N4BP1: variants seen among roughly 807,000 people sequenced by gnomAD.
The protein encoded by N4BP1 is NEDD4-binding protein 1.
In N4BP1, 21 loss-of-function variants were observed where a neutral mutation model predicts 70.9. The ratio of observed to expected loss-of-function variants is 0.30; its 90% confidence interval spans 0.21 to 0.43. N4BP1 has a LOEUF of 0.43. Ranked by LOEUF, N4BP1 falls within the 20% of genes least tolerant of loss-of-function variation. The pLI, the probability that N4BP1 is intolerant of heterozygous loss-of-function variation, is 1.00. For synonymous variants in N4BP1, 387 were observed against 394.6 expected, an observed-to-expected ratio of 0.98 and a Z score of 0.23; for missense variants, 936 against 1,069.4, an observed-to-expected ratio of 0.88 and a Z score of 1.74.
intron 1 of N4BP1, among the ~76,000 whole-genome samples, chr16:48,581,942 C>T (rs571635266): frequency 6.6e-6 from 1 of 151,760 alleles, no homozygotes; most frequent in South Asian, 2.1e-4. Context: ...GCTACAAAAA[C>T]AAAAATAGAC....
chr16:48,598,842 T>C (rs1026547811), intron 1 of N4BP1, among the ~76,000 whole-genome samples: 3 of 152,032 alleles, frequency 2.0e-5, no homozygotes, highest in Admixed American at 6.6e-5. Flanking sequence ...CTATGATCCA[T>C]TGGCAAAGAA....
chr16:48,586,573 A>C (rs1457749405), intron 1 of N4BP1, among the ~76,000 whole-genome samples: 1 of 152,338 alleles, frequency 6.6e-6, no homozygotes, highest in East Asian at 1.9e-4. Context: ...AATGCAGCAT[A>C]ATAGTTTTGA....
At chr16:48,572,828 C>T (rs557586645) in intron 1 of N4BP1, among the ~76,000 whole-genome samples, 16 of 152,020 alleles carry the variant, frequency 1.1e-4, no homozygotes, top group Non-Finnish European at 2.1e-4. Context: ...GAAAACAGGG[C>T]AGATACAAAT....
chr16:48,563,141 T>TA (rs1021007309), intron 1 of N4BP1, among the ~76,000 whole-genome samples: 12 of 149,004 alleles, frequency 8.1e-5, no homozygotes, highest in East Asian at 3.9e-4. Flanking sequence ...ATAAAAAATT[T>TA]AAAAAAAAAA....
At chr16:48,593,290 T>G (rs900284050) in intron 1 of N4BP1, among the ~76,000 whole-genome samples, 2 of 152,230 alleles carry the variant, frequency 1.3e-5, no homozygotes, top group African/African-American at 2.4e-5. Context: ...TAAAAGTTGC[T>G]AAGAGTTAAC....
In N4BP1 at chr16:48,542,991, T is replaced by G; in HGVS notation, c.2604A>C (p.Ser868=). The G allele has an allele frequency of 6.2e-7, 1 of 1,614,084 alleles. No individual in the cohort carries two copies. The highest frequency in any genetic ancestry group is 8.5e-7 in the Non-Finnish European group (1 of 1,179,904). The change falls in exon 7 of 7, where the codon TCA becomes TCC. Residue 868 remains serine (S), a synonymous_variant. Coordinates refer to ENST00000262384, the MANE Select transcript of N4BP1 (RefSeq NM_153029.4). ...REALLKIFPD[S]EQRLKIDQIL... ...TCTGGTCTATTTTCAGTCTTTGCTC[T>G]GAGTCAGGGAAGATCTTCAGAAGGG...
At chr16:48,588,046 C>G (rs1964273532) in intron 1 of N4BP1, among the ~76,000 whole-genome samples, 2 of 151,686 alleles carry the variant, frequency 1.3e-5, no homozygotes, top group Admixed American at 1.3e-4. Flanking sequence ...AAGCAAAAAT[C>G]TCACCTGGCT....
At chr16:48,595,138 T>C (rs1189095065) in intron 1 of N4BP1, among the ~76,000 whole-genome samples, 2 of 152,160 alleles carry the variant, frequency 1.3e-5, no homozygotes, top group African/African-American at 2.4e-5. Context: ...TTTTCTTTAC[T>C]TTTTTTGCTT....
chr16:48,571,576 C>G (rs1464481917), intron 1 of N4BP1, among the ~76,000 whole-genome samples: 2 of 151,372 alleles, frequency 1.3e-5, no homozygotes, highest in Non-Finnish European at 2.9e-5. Flanking sequence ...TGGTTTCAAA[C>G]AGATATAAGA....
At chr16:48,609,307 G>A (rs1424592494) in intron 1 of N4BP1, among the ~76,000 whole-genome samples, 1 of 152,158 alleles carries the variant, frequency 6.6e-6, no homozygotes, top group African/African-American at 2.4e-5. Flanking sequence ...CGATTCTCAA[G>A]AGGAACTGAG....
At position 48,567,377 on chromosome 16, in the gene N4BP1, C is replaced by T. The variant is rs114219614; in HGVS notation, c.199-4933G>A. On this transcript the variant is annotated intron_variant, in intron 1 of 6. Coordinates refer to ENST00000262384, the MANE Select transcript of N4BP1 (RefSeq NM_153029.4). ...TTGCCCAGGCTTGAGTGCAGTGGCA[C>T]GCAGATCTTGGCTCACTGCAACCTC... 5.7e-3 allele frequency among the ~76,000 whole-genome samples: 865 copies of T among 152,170 alleles called. 6 individuals are homozygous for T. Among genetic ancestry groups the T allele is most frequent in the African/African-American group, 0.019 (771 of 41,520 alleles).
At chr16:48,601,561 A>G (rs1426408263) in intron 1 of N4BP1, among the ~76,000 whole-genome samples, 1 of 152,232 alleles carries the variant, frequency 6.6e-6, no homozygotes, top group Non-Finnish European at 1.5e-5. Context: ...AAAAGATGCC[A>G]TAATCACAAA....
At chr16:48,599,952 T>G (rs1964472142) in intron 1 of N4BP1, among the ~76,000 whole-genome samples, 1 of 152,220 alleles carries the variant, frequency 6.6e-6, no homozygotes, top group African/African-American at 2.4e-5. Flanking sequence ...AAGAAAACCC[T>G]TATTTTGTAT....
intron 1 of N4BP1, among the ~76,000 whole-genome samples, chr16:48,601,741 G>A (rs1964504150): frequency 6.6e-6 from 1 of 152,036 alleles, no homozygotes; most frequent in Non-Finnish European, 1.5e-5. Flanking sequence ...ACAAGATCTT[G>A]CTCTGTTACC....
At chr16:48,548,761 C>T (rs1180306031) in intron 4 of N4BP1, among the ~76,000 whole-genome samples, 1 of 151,402 alleles carries the variant, frequency 6.6e-6, no homozygotes, top group Non-Finnish European at 1.5e-5. Context: ...ATCAGCTGAG[C>T]CCAGGCAGGT....
intron 5 of N4BP1, 86 bp from the exon 6 acceptor site, chr16:48,546,340 C>CTTTGGCATCAGGTGG: frequency 1.2e-6 from 1 of 849,050 alleles, no homozygotes; most frequent in Non-Finnish European, 1.8e-6. Context: ...CCACCTGATG[C>CTTTGGCATCAGGTGG]CAAAGCAACG....
At chr16:48,549,530 C>CA (rs1440656973) in intron 4 of N4BP1, among the ~76,000 whole-genome samples, 1 of 152,242 alleles carries the variant, frequency 6.6e-6, no homozygotes, top group Non-Finnish European at 1.5e-5. Flanking sequence ...CTGAGCCCTG[C>CA]AGGGTCCCTG....
chr16:48,589,667 G>A (rs1188692053), intron 1 of N4BP1, among the ~76,000 whole-genome samples: 1 of 152,140 alleles, frequency 6.6e-6, no homozygotes, highest in African/African-American at 2.4e-5. Context: ...TCGATTTATA[G>A]CCCATCAGTC....
chr16:48,588,796 C>T (rs1361123304), intron 1 of N4BP1, among the ~76,000 whole-genome samples: 1 of 152,154 alleles, frequency 6.6e-6, no homozygotes, highest in South Asian at 2.1e-4. Flanking sequence ...GGCTACCATA[C>T]TGGTTTGTGC....
Sources: gnomAD v4.1 joint callset for allele counts (sites outside exome capture counted in the v4.1 genomes callset) on GRCh38, gnomAD v4.1.1 for gene constraint, MANE v1.5 for transcripts, NCBI Gene and HGNC (gene_info 2026-07-23, HGNC 2026-07-21) for gene names.